Variants in GRID2IP observed in about 807,000 individuals in gnomAD.
GRID2IP encodes the protein Grid2 interacting protein.
In GRID2IP, 78 loss-of-function variants were observed where a neutral mutation model predicts 114.3. The observed-to-expected ratio is 0.68, with a 90% confidence interval of 0.57 to 0.82. The LOEUF is 0.82. Ranked by LOEUF, GRID2IP falls within the 40% of genes least tolerant of loss-of-function variation. GRID2IP has a pLI of 0.00. For synonymous variants in GRID2IP, 809 were observed against 724.0 expected (o/e 1.12, Z -1.89); for missense variants, 1,727 against 1,678.5 (o/e 1.03, Z -0.51).
intron 10 of GRID2IP, 72 bp from the exon 11 acceptor site, chr7:6,510,472 T>C: frequency 7.4e-7 from 1 of 1,355,748 alleles, no homozygotes; most frequent in South Asian, 1.5e-5. Context: ...CAGGCCTGGG[T>C]GGGCCGGGAG....
At chr7:6,513,217 C>T (rs1222791101) in intron 8 of GRID2IP, among the ~76,000 whole-genome samples, 1 of 151,652 alleles carries the variant, frequency 6.6e-6, no homozygotes, top group Non-Finnish European at 1.5e-5. Flanking sequence ...CTGGCAACCA[C>T]GTGAGTTTCT....
At chr7:6,510,832 C>G in intron 9 of GRID2IP, 76 bp downstream of exon 9, 2 of 1,490,574 alleles carry the variant, frequency 1.3e-6, no homozygotes, top group South Asian at 2.5e-5. Context: ...CCCTGGGATT[C>G]CCCACCTCAC....
rs1216245805 is a variant in GRID2IP, at chr7:6,504,812, A to G, written c.2691T>C (p.His897=). 23 of 1,551,198 alleles carry G rather than the reference A, an allele frequency of 1.5e-5. No individual in the cohort carries two copies. Among genetic ancestry groups the G allele is most frequent in the Non-Finnish European group, 2.6e-6 (3 of 1,146,788 alleles). ...RKKEVVEILS[H]KKAYNTSILL... Reference sequence around the variant, plus strand: ...CCTCACAGGTGTTGTAGGCCTTCTTATGGGACAGGATCTCCACCACCTCCT... The same window carrying G: ...CCTCACAGGTGTTGTAGGCCTTCTTGTGGGACAGGATCTCCACCACCTCCT... The change falls in exon 15 of 22, where the codon CAT becomes CAC. Residue 897 remains histidine (H), a synonymous_variant. Transcript: ENST00000457091.
Position 6,551,030 on chromosome 7 carries a change from T to A in GRID2IP, c.407A>T (p.Lys136Met). The change falls in exon 1 of 22, where the codon AAG becomes ATG. Residue 136 changes from lysine to methionine, a missense_variant. Transcript: ENST00000457091. The stretch of plus-strand genomic sequence containing the variant: ...TACCTTGCGGCTGAACTCTTGGGCC[T>A]TGCGCCTGCGCTCTCGGTGCACCGC... Reference protein sequence around the residue: ...PDAVHRERRRKAQEFSRKVDE... With the variant: ...PDAVHRERRRMAQEFSRKVDE... 8.2e-7 allele frequency: 1 copy of A among 1,220,694 alleles called. No individual in the cohort carries two copies. Among genetic ancestry groups the A allele is most frequent in the Non-Finnish European group, 1.0e-6 (1 of 983,034 alleles). The allele number at this position is 1,220,694 out of a possible 1,614,324, so 75.6% of individuals were successfully genotyped here.
rs775433246 is a variant in GRID2IP, at chr7:6,497,735, C to G, written c.*39G>C. On this transcript the variant is annotated 3_prime_UTR_variant, in exon 22 of 22. Coordinates refer to ENST00000457091, the MANE Select transcript of GRID2IP (RefSeq NM_001145118.2). ...TCTGGGCTGCCCTCTCGGCCTCCAT[C>G]TCCCTGCTCAGGCCGCAGAGGACGC... 8.7e-6 allele frequency: 13 copies of G among 1,493,244 alleles called. No homozygotes were observed. The highest frequency in any genetic ancestry group is 1.7e-4 in the Middle Eastern group (1 of 5,758). 92.5% of individuals were successfully genotyped at this position (1,493,244 alleles called of 1,614,324 possible).
intron 2 of GRID2IP, among the ~76,000 whole-genome samples, chr7:6,538,732 G>C (rs1049848818): frequency 6.6e-6 from 1 of 152,100 alleles, no homozygotes; most frequent in African/African-American, 2.4e-5. Context: ...ATGAAAATTA[G>C]CTGGGCGTAG....
At chr7:6,511,382 T>C (rs1482726978) in intron 8 of GRID2IP, among the ~76,000 whole-genome samples, 8 of 152,068 alleles carry the variant, frequency 5.3e-5, no homozygotes, top group Non-Finnish European at 1.0e-4. Flanking sequence ...TAGAAGTGTT[T>C]TTTTTTTGAG....
In GRID2IP at chr7:6,509,654, G is replaced by A. The variant is rs765099372; in HGVS notation, c.1772-341C>T. Among the ~76,000 whole-genome samples the A allele has an allele frequency of 7.2e-5, 11 of 152,256 alleles. No homozygotes were observed. Among genetic ancestry groups the A allele is most frequent in the Non-Finnish European group, 1.5e-4 (10 of 67,998 alleles). On this transcript the variant is annotated intron_variant, in intron 11 of 21. Coordinates refer to ENST00000457091, the MANE Select transcript of GRID2IP (RefSeq NM_001145118.2). The surrounding 1 kb of genome is among the most constrained non-coding windows in gnomAD (Gnocchi z 4.9). ...CAGAGCCACAGTCATGGAGCGTCTC[G>A]CGCACCCAGCAAGCCCTGAGATCAC...
rs1786674255 is a variant in GRID2IP, at chr7:6,508,837, G to A, written c.2127+121C>T. ...TGGGATAGCTTGAGCTAGGGAGTGG[G>A]ATAGCCTGGGGAAGATCCCAAGGGC... is the stretch of plus-strand genomic sequence containing the variant. On this transcript the variant is annotated intron_variant, in intron 12 of 21. Transcript: ENST00000457091. The surrounding 1 kb of genome is among the most constrained non-coding windows in gnomAD (Gnocchi z 5.6). 1 of 1,419,314 alleles carries A rather than the reference G, an allele frequency of 7.0e-7. No homozygotes were observed. The highest frequency in any genetic ancestry group is 1.4e-5 in the South Asian group (1 of 70,018). 87.9% of individuals were successfully genotyped at this position (1,419,314 alleles called of 1,614,324 possible).
In GRID2IP at chr7:6,546,762, T is replaced by C. The variant is rs540367736; in HGVS notation, c.429+4246A>G. Reference sequence around the variant, plus strand: ...CTGGCCTGGGCAGCCTGTCGGATTCTACCCTCAGCGGGTTGCTGCCCAGCC... The same window carrying C: ...CTGGCCTGGGCAGCCTGTCGGATTCCACCCTCAGCGGGTTGCTGCCCAGCC... On this transcript the variant is annotated intron_variant, in intron 1 of 21. Coordinates refer to ENST00000457091, the MANE Select transcript of GRID2IP (RefSeq NM_001145118.2). Among the ~76,000 whole-genome samples, 14 of 152,146 alleles carry C rather than the reference T, an allele frequency of 9.2e-5. No individual in the cohort carries two copies. In the South Asian group the frequency reaches 2.7e-3, roughly 29 times the overall value.
intron 9 of GRID2IP, 31 bp from the exon 10 acceptor site, chr7:6,510,737 G>T: frequency 1.3e-6 from 2 of 1,536,204 alleles, no homozygotes; most frequent in South Asian, 1.2e-5. Context: ...TACCGTATCT[G>T]AGCTCTACGG....
At position 6,497,104 on chromosome 7, in the gene GRID2IP, C is replaced by G. The variant is rs1583328717; in HGVS notation, c.*670G>C. Among the ~76,000 whole-genome samples, 1 of 152,214 alleles carries G rather than the reference C, an allele frequency of 6.6e-6. No homozygotes were observed. The highest frequency in any genetic ancestry group is 6.5e-5 in the Admixed American group (1 of 15,284). Reference sequence around the variant, plus strand: ...TTCTGTCTGCTCTACCTTGACCACACCTATTCCACTCCCAGGCTCCCCACT... The same window carrying G: ...TTCTGTCTGCTCTACCTTGACCACAGCTATTCCACTCCCAGGCTCCCCACT... On this transcript the variant is annotated 3_prime_UTR_variant, in exon 22 of 22. Transcript: ENST00000457091.
At position 6,519,414 on chromosome 7, in the gene GRID2IP, G is replaced by A. The variant is rs542788594; in HGVS notation, c.1268+1164C>T. The stretch of plus-strand genomic sequence containing the variant: ...GACGATCACTTGAGCCCAAGAGTTC[G>A]AGACCAGCCTGGGTAACATAGTGAG... On this transcript the variant is annotated intron_variant, in intron 7 of 21. Coordinates refer to ENST00000457091, the MANE Select transcript of GRID2IP (RefSeq NM_001145118.2). This position sits in a 1 kb window ranked among gnomAD's most constrained non-coding sequence, Gnocchi z 4.1. Among the ~76,000 whole-genome samples the A allele has an allele frequency of 1.6e-4, 25 of 152,140 alleles. No homozygotes were observed. Among genetic ancestry groups the A allele is most frequent in the Non-Finnish European group, 2.8e-4 (19 of 67,994 alleles).
Position 6,526,053 on chromosome 7 carries a change from G to C in GRID2IP, c.919+171C>G, listed in dbSNP as rs765959553. ...TTAGGTAGGAATGGGATTCAGATCTGCTGGCTCTGGGACACTCTGGGGACA... is the reference window on the plus strand; with the variant it reads ...TTAGGTAGGAATGGGATTCAGATCTCCTGGCTCTGGGACACTCTGGGGACA... On this transcript the variant is annotated intron_variant, in intron 4 of 21. Coordinates refer to ENST00000457091, the MANE Select transcript of GRID2IP (RefSeq NM_001145118.2). The surrounding 1 kb of genome is among the most constrained non-coding windows in gnomAD (Gnocchi z 7.6). Among the ~76,000 whole-genome samples the C allele has an allele frequency of 8.5e-5, 13 of 152,170 alleles. No individual in the cohort carries two copies. The highest frequency in any genetic ancestry group is 1.8e-4 in the Non-Finnish European group (12 of 68,040).
chr7:6,512,208 C>CA (rs1481264580), intron 8 of GRID2IP, among the ~76,000 whole-genome samples: 2 of 126,536 alleles, frequency 1.6e-5, no homozygotes, highest in Non-Finnish European at 3.5e-5. Context: ...TGAGCCACCA[C>CA]ACCTGCCTTT....
Position 6,528,260 on chromosome 7 carries a change from C to G in GRID2IP, c.585-1491G>C, listed in dbSNP as rs1049547246. 2.0e-5 allele frequency among the ~76,000 whole-genome samples: 3 copies of G among 152,086 alleles called. No individual in the cohort carries two copies. The South Asian group carries it at 6.2e-4, about 31-fold the overall frequency. On this transcript the variant is annotated intron_variant, in intron 2 of 21. Coordinates refer to ENST00000457091, the MANE Select transcript of GRID2IP (RefSeq NM_001145118.2). This position sits in a 1 kb window ranked among gnomAD's most constrained non-coding sequence, Gnocchi z 6.0. ...TGAGCCACAGTGACTAGCCAGGGCTCAGCACATAGGAGAGACTCAGTCAAC... is the reference window on the plus strand; with the variant it reads ...TGAGCCACAGTGACTAGCCAGGGCTGAGCACATAGGAGAGACTCAGTCAAC...
chr7:6,503,215 G>A, intron 16 of GRID2IP, 52 bp from the exon 17 acceptor site: 2 of 571,850 alleles, frequency 3.5e-6, no homozygotes, highest in South Asian at 3.8e-5. Flanking sequence ...GGGACCCTCT[G>A]CCCCACCGCA....
intron 7 of GRID2IP, among the ~76,000 whole-genome samples, chr7:6,515,172 A>G (rs1779270149): frequency 6.6e-6 from 1 of 151,412 alleles, no homozygotes; most frequent in Non-Finnish European, 1.5e-5. Context: ...ATTAAAACAC[A>G]CAGAGCAGGC....
Position 6,551,102 on chromosome 7 carries a change from G to A in GRID2IP, c.335C>T (p.Ala112Val). ...CAGGCGAAGCAGCTCACGGCCCAGA[G>A]CTAGGCCGCGGCCGCACCGCGGGGC... ...LRAPRCGRGL[A>V]LGRELLRLAG... The change falls in exon 1 of 22, where the codon GCT becomes GTT. Residue 112 changes from alanine (A) to valine (V), a missense_variant. Ala to Val is a moderately conservative substitution (Grantham distance 64). Transcript: ENST00000457091. The A allele has an allele frequency of 2.3e-6, 3 of 1,304,956 alleles. No individual in the cohort carries two copies. The highest frequency in any genetic ancestry group is 1.9e-6 in the Non-Finnish European group (2 of 1,031,046). 80.8% of individuals were successfully genotyped at this position (1,304,956 alleles called of 1,614,324 possible).
Sources: allele counts gnomAD v4.1 joint callset (sites outside exome capture counted in the v4.1 genomes callset), GRCh38; gene constraint gnomAD v4.1.1; non-coding constraint Gnocchi (gnomAD v3.1); transcripts MANE v1.5; gene names NCBI Gene and HGNC (gene_info 2026-07-23, HGNC 2026-07-21).